The following ABCC9 variants were observed in gnomAD, a reference collection of about 807,000 sequenced individuals.
ABCC9 encodes ATP-binding cassette sub-family C member 9.
Under a neutral mutation model 188.3 loss-of-function variants are expected in ABCC9, and 95 were observed. The ratio of observed to expected loss-of-function variants is 0.50; its 90% CI spans 0.43 to 0.60. The LOEUF is 0.60. Ranked by LOEUF, ABCC9 falls within the 20% of genes least tolerant of loss-of-function variation. The pLI, the probability that ABCC9 is intolerant of heterozygous loss-of-function variation, is 0.00. For missense variants in ABCC9, 1,102 were observed against 1,876.3 expected (o/e 0.59, Z 7.62); for synonymous variants, 659 against 652.7 (o/e 1.01, Z -0.15).
chr12:21,938,547 A>G (rs1465441834), intron 2 of ABCC9, among the ~76,000 whole-genome samples: 1 of 152,182 alleles, frequency 6.6e-6, no homozygotes, highest in East Asian at 1.9e-4. Context: ...TACTTCCTTT[A>G]TTTAGTAGAA....
intron 12 of ABCC9, among the ~76,000 whole-genome samples, chr12:21,904,979 C>T (rs11046229): frequency 0.35 from 53,083 of 152,104 alleles, 9,643 homozygotes; most frequent in Admixed American, 0.39. Context: ...CACATTCACA[C>T]ATGTGTTTAT....
At chr12:21,915,512 A>ATT (rs1254915972) in intron 7 of ABCC9, among the ~76,000 whole-genome samples, 156 bp downstream of exon 7, 19 of 382 alleles carry the variant, frequency 0.05, 4 homozygotes, top group African/African-American at 0.079. Context: ...ATATATATAT[A>ATT]TATTTTTTTT....
intron 22 of ABCC9, among the ~76,000 whole-genome samples, chr12:21,858,050 G>A (rs1196908128): frequency 6.6e-6 from 1 of 152,152 alleles, no homozygotes; most frequent in East Asian, 1.9e-4. Context: ...TGAAAGGGTG[G>A]GAATTGACAA....
At chr12:21,910,401 TA>T in intron 9 of ABCC9, 89 bp from the exon 10 acceptor site, 3 of 1,355,728 alleles carry the variant, frequency 2.2e-6, no homozygotes, top group Non-Finnish European at 3.0e-6. Flanking sequence ...AACAAACATT[TA>T]ATTTTTTTGA....
At chr12:21,925,897 A>G in intron 5 of ABCC9, 45 bp downstream of exon 5, 2 of 1,583,948 alleles carry the variant, frequency 1.3e-6, no homozygotes, top group Non-Finnish European at 8.7e-7. Flanking sequence ...GGGGGGAAAA[A>G]CAAATATCTC....
At chr12:21,828,741 T>A (rs1943537870) in intron 31 of ABCC9, among the ~76,000 whole-genome samples, 1 of 152,150 alleles carries the variant, frequency 6.6e-6, no homozygotes, top group Non-Finnish European at 1.5e-5. Context: ...GAACACAAAA[T>A]GAATTTTTGC....
intron 18 of ABCC9, among the ~76,000 whole-genome samples, chr12:21,870,817 A>G (rs1362577755): frequency 2.0e-5 from 3 of 152,256 alleles, no homozygotes. Context: ...ACAAAACTTT[A>G]TGAAATAAGA....
intron 14 of ABCC9, among the ~76,000 whole-genome samples, chr12:21,889,634 A>C (rs943687045): frequency 1.3e-5 from 2 of 152,188 alleles, no homozygotes; most frequent in African/African-American, 4.8e-5. Flanking sequence ...GACATTAAGT[A>C]AAGTTGGTTG....
intron 15 of ABCC9, among the ~76,000 whole-genome samples, chr12:21,885,987 T>C (rs1946857512): frequency 6.6e-6 from 1 of 152,142 alleles, no homozygotes; most frequent in Admixed American, 6.6e-5. Flanking sequence ...GGTAAATATA[T>C]TCATATTTTT....
chr12:21,887,896 A>T lies in ABCC9; in HGVS notation c.1841T>A (p.Ile614Asn). Residue 614 changes from isoleucine to asparagine, a missense_variant, in exon 15 of 40, where the codon ATT (isoleucine) becomes AAT (asparagine). Ile to Asn is a moderately radical substitution (Grantham distance 149). This residue lies in a region of ABCC9 where 258 missense variants were observed against 325.6 expected (regional missense o/e 0.79). Coordinates refer to ENST00000261200, the MANE Select transcript of ABCC9 (RefSeq NM_020297.4). ...ACCAGTTCGCCAACTGTCGTCACCAATCTCATCACTCAAGAGAAACTCATT... is the reference window on the plus strand; with the variant it reads ...ACCAGTTCGCCAACTGTCGTCACCATTCTCATCACTCAAGAGAAACTCATT... ...KLNEFLLSDEIGDDSWRTGES... is the reference protein window; with the variant it reads ...KLNEFLLSDENGDDSWRTGES... The T allele has an allele frequency of 6.2e-7, 1 of 1,613,480 alleles. No homozygotes were observed. Among genetic ancestry groups the T allele is most frequent in the Non-Finnish European group, 8.5e-7 (1 of 1,179,518 alleles).
rs1565474515 is a variant in ABCC9 at position 21,910,315 on chromosome 12, ACC to A, written c.1165-5_1165-4del. The A allele has an allele frequency of 1.3e-6, 2 of 1,552,106 alleles. No individual in the cohort carries two copies. Among genetic ancestry groups the A allele is most frequent in the Admixed American group, 1.9e-5 (1 of 52,032 alleles). On this transcript the variant is annotated splice_region_variant and splice_polypyrimidine_tract_variant and intron_variant, in intron 9 of 39. Coordinates refer to ENST00000261200, the MANE Select transcript of ABCC9 (RefSeq NM_020297.4). The stretch of plus-strand genomic sequence containing the variant: ...AGGATTTTATTATAAATCATGGCCT[ACC>A]AAAAAAAAAAAAAAGAGTACATAAA...
At chr12:21,828,912 G>A (rs751485267) in intron 31 of ABCC9, 46 bp downstream of exon 31, 16 of 1,478,566 alleles carry the variant, frequency 1.1e-5, no homozygotes, top group South Asian at 3.4e-5. Flanking sequence ...TGCAGCAGGC[G>A]TCTTCTCTAT....
intron 18 of ABCC9, among the ~76,000 whole-genome samples, chr12:21,866,993 G>C (rs1945813954): frequency 6.6e-6 from 1 of 152,110 alleles, no homozygotes; most frequent in South Asian, 2.1e-4. Flanking sequence ...AATTAATGCA[G>C]TAAGGTCCTG....
In ABCC9 at chr12:21,848,198, C is replaced by A. The variant is rs1373377020; in HGVS notation, c.2818G>T (p.Ala940Ser). The part of the protein sequence containing the change: ...TTLERKTLRR[A>S]MYSREAKAQM... ...GCTTTGGCTTCTCTTGAATACATGG[C>A]CCGTCGGAGAGTTTTCCTCTCTAAA... Residue 940 changes from alanine to serine, a missense_variant, in exon 25 of 40, where the codon GCC becomes TCC. This residue lies in a region of ABCC9 where 131 missense variants were observed against 170.2 expected (regional missense o/e 0.77). Transcript: ENST00000261200. 6.2e-7 allele frequency: 1 copy of A among 1,613,590 alleles called. No individual in the cohort carries two copies. Among genetic ancestry groups the A allele is most frequent in the Non-Finnish European group, 8.5e-7 (1 of 1,179,636 alleles).
intron 29 of ABCC9, among the ~76,000 whole-genome samples, chr12:21,839,549 A>G (rs536014614): frequency 6.6e-6 from 1 of 152,370 alleles, no homozygotes; most frequent in African/African-American, 2.4e-5. Flanking sequence ...AGATATATTC[A>G]TGACAACTTT....
chr12:21,850,396 T>G (rs1406902496), intron 24 of ABCC9, among the ~76,000 whole-genome samples: 1 of 152,056 alleles, frequency 6.6e-6, no homozygotes, highest in Non-Finnish European at 1.5e-5. Flanking sequence ...TACATGGCAG[T>G]AATCTCCCTC....
rs767985070 is a variant in ABCC9 at position 21,817,322 on chromosome 12, TA to T, written c.3772-16del. Reference sequence around the variant, plus strand: ...TAATTGGTTATCTGTGTCAGGTGATTAAAAAAATTGTTTTAAATAAATTAAA... The same window carrying T: ...TAATTGGTTATCTGTGTCAGGTGATTAAAAAATTGTTTTAAATAAATTAAA... On this transcript the variant is annotated splice_polypyrimidine_tract_variant and intron_variant, in intron 32 of 39. Coordinates refer to ENST00000261200, the MANE Select transcript of ABCC9 (RefSeq NM_020297.4). 1.9e-6 allele frequency: 3 copies of T among 1,612,696 alleles called. No individual in the cohort carries two copies. Among genetic ancestry groups the T allele is most frequent in the Non-Finnish European group, 2.5e-6 (3 of 1,179,398 alleles).
chr12:21,893,914 A>ATG lies in ABCC9; in HGVS notation c.1802+116_1802+117dup, dbSNP rs528647854. ...AAAGTAGCATACCACAATTTTAACA[A>ATG]TGGTTGTCTCCTGGCAGTGATTTTA... is the stretch of plus-strand genomic sequence containing the variant. On this transcript the variant is annotated intron_variant, in intron 14 of 39. Transcript: ENST00000261200. 30 of 1,035,280 alleles carry ATG rather than the reference A, an allele frequency of 2.9e-5. No homozygotes were observed. In the South Asian group the frequency reaches 4.8e-4, roughly 17 times the overall value. The allele number at this position is 1,035,280 out of a possible 1,614,324, so 64.1% of individuals were successfully genotyped here.
intron 29 of ABCC9, among the ~76,000 whole-genome samples, chr12:21,840,195 G>A (rs892172525): frequency 6.6e-6 from 1 of 152,182 alleles, no homozygotes; most frequent in African/African-American, 2.4e-5. Flanking sequence ...AGCATTTCCT[G>A]TAGCTAGTTT....
Sources: allele counts gnomAD v4.1 joint callset (sites outside exome capture counted in the v4.1 genomes callset), GRCh38; gene constraint gnomAD v4.1.1; regional missense constraint gnomAD v4.1.1; transcripts MANE v1.5; gene names NCBI Gene and HGNC (gene_info 2026-07-23, HGNC 2026-07-21).